PARD3: variants seen among roughly 807,000 people sequenced by gnomAD.
PARD3 encodes the protein par-3 family cell polarity regulator.
A neutral mutation model predicts 155.4 loss-of-function variants in PARD3; 75 were observed. The ratio of observed to expected loss-of-function variants is 0.48; its 90% confidence interval spans 0.40 to 0.58. PARD3 has a LOEUF of 0.58. Among genes scored for constraint, PARD3 ranks in the 20% least tolerant of loss-of-function variants. PARD3 has a pLI of 0.00. For synonymous variants in PARD3, 576 were observed against 610.5 expected (o/e 0.94, Z 0.83); for missense variants, 1,642 against 1,721.7 (o/e 0.95, Z 0.82).
chr10:34,614,047 A>T (rs2091091160), intron 2 of PARD3, among the ~76,000 whole-genome samples: 1 of 152,218 alleles, frequency 6.6e-6, no homozygotes. Context: ...TCATACATAC[A>T]TGTGTTTGTA....
intron 2 of PARD3, among the ~76,000 whole-genome samples, chr10:34,574,202 A>G (rs2134186306): frequency 6.6e-6 from 1 of 152,320 alleles, no homozygotes. Context: ...AATATTGATT[A>G]TAAAAAGGGG....
rs76266639 is a variant in PARD3, at chr10:34,534,003, T to C, written c.223-16844A>G. Among the ~76,000 whole-genome samples, 859 of 152,168 alleles carry C rather than the reference T, an allele frequency of 5.6e-3. 7 individuals are homozygous for C. The highest frequency in any genetic ancestry group is 0.02 in the African/African-American group (814 of 41,522). The stretch of plus-strand genomic sequence containing the variant: ...GAGATAATAAACACCCCCATTTCCA[T>C]GAAAGGCTGCACTTCAATTTCCACA... On this transcript the variant is annotated intron_variant, in intron 2 of 24. Coordinates refer to ENST00000374788, the MANE Select transcript of PARD3 (RefSeq NM_001184785.2).
intron 1 of PARD3, among the ~76,000 whole-genome samples, chr10:34,742,920 G>A (rs2095044867): frequency 6.6e-6 from 1 of 152,170 alleles, no homozygotes; most frequent in South Asian, 2.1e-4. Context: ...TTCACTGAAA[G>A]CAGGAGCTTC....
At chr10:34,634,606 A>G (rs1009390990) in intron 2 of PARD3, among the ~76,000 whole-genome samples, 2 of 152,250 alleles carry the variant, frequency 1.3e-5, no homozygotes, top group African/African-American at 2.4e-5. Flanking sequence ...GTTCCATTCA[A>G]TAAGAAGGAA....
chr10:34,278,517 G>A (rs1395705804), intron 21 of PARD3, among the ~76,000 whole-genome samples: 1 of 152,134 alleles, frequency 6.6e-6, no homozygotes. Context: ...GGAACCAGGT[G>A]GAGATAATTG....
intron 2 of PARD3, among the ~76,000 whole-genome samples, chr10:34,575,620 G>A (rs2086817947): frequency 6.6e-6 from 1 of 152,212 alleles, no homozygotes; most frequent in Non-Finnish European, 1.5e-5. Context: ...ATTTGGCCGG[G>A]AGCGGTGGCT....
intron 2 of PARD3, among the ~76,000 whole-genome samples, chr10:34,527,712 A>G (rs573966719): frequency 3.9e-5 from 6 of 152,344 alleles, no homozygotes; most frequent in Non-Finnish European, 8.8e-5. Flanking sequence ...GCAAAAGATC[A>G]AAGTTCAATA....
At chr10:34,489,796 T>C (rs2079765110) in intron 3 of PARD3, among the ~76,000 whole-genome samples, 1 of 152,244 alleles carries the variant, frequency 6.6e-6, no homozygotes, top group Non-Finnish European at 1.5e-5. Context: ...GGGTTATGTA[T>C]ATGCTAAGAA....
chr10:34,185,817 TA>T (rs1050855920), intron 22 of PARD3, among the ~76,000 whole-genome samples: 3 of 65,314 alleles, frequency 4.6e-5, no homozygotes, highest in Non-Finnish European at 6.3e-5. Context: ...TCTTCTATAT[TA>T]TATTATATTA....
At chr10:34,589,374 A>G (rs1053128879) in intron 2 of PARD3, among the ~76,000 whole-genome samples, 6 of 152,184 alleles carry the variant, frequency 3.9e-5, no homozygotes, top group African/African-American at 1.4e-4. Flanking sequence ...AATAGTCTTT[A>G]GAAAAGAAAT....
At chr10:34,806,032 A>AT (rs1007380895) in intron 1 of PARD3, among the ~76,000 whole-genome samples, 16 of 148,598 alleles carry the variant, frequency 1.1e-4, no homozygotes, top group South Asian at 1.1e-3. Context: ...CCCTAGACAA[A>AT]TTTTTTTTTT....
At chr10:34,435,840 G>A (rs1238922992) in intron 5 of PARD3, among the ~76,000 whole-genome samples, 1 of 152,158 alleles carries the variant, frequency 6.6e-6, no homozygotes, top group East Asian at 1.9e-4. Flanking sequence ...CAGAATTTAT[G>A]GGCAAAAGTT....
At chr10:34,174,242 T>C (rs527239439) in intron 22 of PARD3, among the ~76,000 whole-genome samples, 2 of 152,184 alleles carry the variant, frequency 1.3e-5, no homozygotes, top group Non-Finnish European at 2.9e-5. Context: ...CATAAATTCA[T>C]CCGGTGAGAA....
chr10:34,588,987 C>A (rs934675583), intron 2 of PARD3, among the ~76,000 whole-genome samples: 8 of 152,122 alleles, frequency 5.3e-5, no homozygotes, highest in African/African-American at 1.9e-4. Context: ...AATCCCAGTA[C>A]TTTGGGAGGC....
rs201434211 is a variant in PARD3, at chr10:34,153,361, T to TCA, written c.3420-21780_3420-21779dup. Among the ~76,000 whole-genome samples, 233 of 152,130 alleles carry TCA rather than the reference T, an allele frequency of 1.5e-3. 2 individuals carry two copies. Among genetic ancestry groups the TCA allele is most frequent in the Middle Eastern group, 0.014 (4 of 294 alleles). On this transcript the variant is annotated intron_variant, in intron 22 of 24. Transcript: ENST00000374788. ...ATTTGAATTAGGGGAGAGCTCTCCC[T>TCA]CACACACACACATACATATTCATGA...
At chr10:34,179,161 C>T (rs955110419) in intron 22 of PARD3, among the ~76,000 whole-genome samples, 30 of 126,460 alleles carry the variant, frequency 2.4e-4, no homozygotes, top group Admixed American at 3.8e-4. Context: ...CACGCATGTG[C>T]GTGCGCGCAC....
chr10:34,371,348 T>C (rs1321475268), intron 12 of PARD3, among the ~76,000 whole-genome samples: 1 of 151,536 alleles, frequency 6.6e-6, no homozygotes, highest in Non-Finnish European at 1.5e-5. Flanking sequence ...TGGAATATTC[T>C]CAAGGTTGTT....
chr10:34,638,674 A>G (rs964790675), intron 2 of PARD3, among the ~76,000 whole-genome samples: 1 of 152,200 alleles, frequency 6.6e-6, no homozygotes, highest in South Asian at 2.1e-4. Context: ...CCCAAACAAG[A>G]AAAGTACTGC....
rs371342491 is a variant in PARD3 at position 34,111,377 on chromosome 10, C to T, written c.3854G>A (p.Arg1285His). The T allele has an allele frequency of 5.6e-6, 9 of 1,613,976 alleles. No individual in the cohort carries two copies. The highest frequency in any genetic ancestry group is 3.3e-5 in the South Asian group (3 of 91,080). Residue 1285 changes from arginine to histidine, a missense_variant, in exon 25 of 25, where the codon CGC becomes CAC. Coordinates refer to ENST00000374788, the MANE Select transcript of PARD3 (RefSeq NM_001184785.2). Reference sequence around the variant, plus strand: ...CTGCTCCTTCCGCCTCTGTTCCTGGCGAAGGAGCTCCTGAGTTTCCAGCAT... The same window carrying T: ...CTGCTCCTTCCGCCTCTGTTCCTGGTGAAGGAGCTCCTGAGTTTCCAGCAT... Reference protein sequence around the residue: ...RVMLETQELLRQEQRRKEQQM... With the variant: ...RVMLETQELLHQEQRRKEQQM...
Sources: gnomAD v4.1 joint callset for allele counts (sites outside exome capture counted in the v4.1 genomes callset) on GRCh38, gnomAD v4.1.1 for gene constraint, MANE v1.5 for transcripts, NCBI Gene and HGNC (gene_info 2026-07-23, HGNC 2026-07-21) for gene names.